The following ZFR2 variants were observed in gnomAD, a reference collection of about 807,000 sequenced individuals.
The protein encoded by ZFR2 is zinc finger RNA-binding protein 2.
In ZFR2, 104 loss-of-function variants were observed where a neutral mutation model predicts 105.7. That is an observed-to-expected ratio of 0.98 (90% CI 0.84 to 1.16). The LOEUF (loss-of-function observed/expected upper bound fraction) is 1.16, where lower values mean the gene tolerates loss of function less well. Ranked by LOEUF, ZFR2 falls within the 50% of genes most tolerant of loss-of-function variation. The probability of loss-of-function intolerance (pLI) is 0.00; values close to 1 mark genes in which losing one functional copy is unlikely to be tolerated. For synonymous variants in ZFR2, 634 were observed against 597.7 expected (o/e 1.06, Z -0.89); for missense variants, 1,425 against 1,355.5 (o/e 1.05, Z -0.80).
At chr19:3,832,029 T>G (rs2038022666) in intron 3 of ZFR2, among the ~76,000 whole-genome samples, 151 bp from the exon 4 acceptor site, 1 of 152,158 alleles carries the variant, frequency 6.6e-6, no homozygotes. Context: ...TGGCAGCGAC[T>G]CGCAGGTTAC....
rs1482216966 is a variant in ZFR2 at position 3,831,574 on chromosome 19, C to G, written c.599-18G>C. The G allele has an allele frequency of 6.4e-7, 1 of 1,553,738 alleles. No individual in the cohort carries two copies. The highest frequency in any genetic ancestry group is 1.4e-5 in the African/African-American group (1 of 73,500). ...GCTTGGTGCTGAGCAGCAGAGAAAA[C>G]AATGAGTCGGGGGGAGATGCTGATT... On this transcript the variant is annotated intron_variant, in intron 4 of 18. Coordinates refer to ENST00000262961, the MANE Select transcript of ZFR2 (RefSeq NM_015174.2).
At chr19:3,841,811 G>C (rs1423690669) in intron 1 of ZFR2, among the ~76,000 whole-genome samples, 1 of 151,724 alleles carries the variant, frequency 6.6e-6, no homozygotes, top group Non-Finnish European at 1.5e-5. Context: ...TATTGAGACA[G>C]AGTCTCACTC....
chr19:3,859,393 C>T (rs768665512), intron 1 of ZFR2, among the ~76,000 whole-genome samples: 34 of 152,324 alleles, frequency 2.2e-4, no homozygotes, highest in Non-Finnish European at 4.7e-4. Flanking sequence ...TGTGCCTCAG[C>T]TTGCAGACGG....
In ZFR2 at chr19:3,834,813, T is replaced by C; in HGVS notation, c.224A>G (p.Gln75Arg). The C allele has an allele frequency of 6.2e-7, 1 of 1,612,010 alleles. No homozygotes were observed. Among genetic ancestry groups the C allele is most frequent in the Non-Finnish European group, 8.5e-7 (1 of 1,179,582 alleles). Residue 75 changes from glutamine (Q) to arginine (R), a missense_variant, in exon 2 of 19, where the codon CAG (glutamine) becomes CGG (arginine). By Grantham distance (43) the Gln-to-Arg change is conservative. Transcript: ENST00000262961. This position sits in a 1 kb window ranked among gnomAD's most constrained non-coding sequence, Gnocchi z 5.3. ...GGTGGTGGCCGTGGGGACGGGCTCC[T>C]GGGGTCGGCTGCCGTAGGCGAAGTC... ...GQDFAYGSRPQEPVPTATTMA... is the reference protein window; with the variant it reads ...GQDFAYGSRPREPVPTATTMA...
rs1449801921 is a variant in ZFR2 at position 3,831,823 on chromosome 19, CTGAGCGTGGCTGTGACTGCCATGG to C, written c.411_434del (p.His138_Gln145del). ...CCACTATGGGCGCCTGCTGTGGGGG[CTGAGCGTGGCTGTGACTGCCATGG>C]GGGCTGGGCTGCCCGCAGGCTTCTT... is the stretch of plus-strand genomic sequence containing the variant. On this transcript the variant is annotated inframe_deletion, in exon 4 of 19. Coordinates refer to ENST00000262961, the MANE Select transcript of ZFR2 (RefSeq NM_015174.2). 1.2e-6 allele frequency: 2 copies of C among 1,606,582 alleles called. No individual in the cohort carries two copies. Among genetic ancestry groups the C allele is most frequent in the South Asian group, 2.2e-5 (2 of 90,752 alleles).
At chr19:3,861,291 G>A (rs534868873) in intron 1 of ZFR2, among the ~76,000 whole-genome samples, 2 of 152,316 alleles carry the variant, frequency 1.3e-5, no homozygotes, top group East Asian at 3.8e-4. Context: ...CCCCAAATAT[G>A]TACAAATTAA....
intron 1 of ZFR2, among the ~76,000 whole-genome samples, chr19:3,857,255 A>G (rs908270791): frequency 1.3e-5 from 2 of 151,722 alleles, no homozygotes; most frequent in African/African-American, 4.8e-5. Context: ...GCCCAGCGGA[A>G]TCTCCCACTT....
At chr19:3,850,329 T>G (rs986528422) in intron 1 of ZFR2, among the ~76,000 whole-genome samples, 1 of 151,946 alleles carries the variant, frequency 6.6e-6, no homozygotes, top group African/African-American at 2.4e-5. Context: ...ACAGAGGTTA[T>G]CAGGGTGAGG....
intron 17 of ZFR2, among the ~76,000 whole-genome samples, chr19:3,808,144 C>T (rs2037722274): frequency 1.4e-5 from 2 of 147,366 alleles, no homozygotes; most frequent in Admixed American, 6.8e-5. Context: ...TATGTGTGCC[C>T]GTGTGTGCAA....
At chr19:3,806,551 G>A (rs2037699225) in intron 18 of ZFR2, among the ~76,000 whole-genome samples, 1 of 152,158 alleles carries the variant, frequency 6.6e-6, no homozygotes, top group African/African-American at 2.4e-5. Flanking sequence ...TGAGCCACCC[G>A]GCCCGGCCGA....
intron 1 of ZFR2, among the ~76,000 whole-genome samples, chr19:3,836,035 T>C (rs1254226892): frequency 6.6e-6 from 1 of 152,056 alleles, no homozygotes; most frequent in African/African-American, 2.4e-5. Context: ...GATGCCAAAA[T>C]CCATGGATGC....
chr19:3,826,524 C>G (rs1368533582), intron 6 of ZFR2, among the ~76,000 whole-genome samples: 1 of 151,986 alleles, frequency 6.6e-6, no homozygotes, highest in Non-Finnish European at 1.5e-5. Context: ...CAACCTCCAC[C>G]TACCGGGTTC....
At chr19:3,852,563 G>A in intron 1 of ZFR2, 1 of 718,610 alleles carries the variant, frequency 1.4e-6, no homozygotes, top group Non-Finnish European at 2.6e-6. Flanking sequence ...TCCAAGGCAG[G>A]GCACAAGGAA....
intron 17 of ZFR2, among the ~76,000 whole-genome samples, chr19:3,807,604 CGT>C (rs1177915983): frequency 2.0e-5 from 3 of 151,626 alleles, no homozygotes; most frequent in Non-Finnish European, 2.9e-5. Flanking sequence ...CGTGTGTGCA[CGT>C]GTGTGCTCAT....
chr19:3,818,285 G>A (rs1453783078), intron 12 of ZFR2, among the ~76,000 whole-genome samples: 1 of 152,194 alleles, frequency 6.6e-6, no homozygotes, highest in African/African-American at 2.4e-5. Flanking sequence ...GGCTAACATA[G>A]CGAGACCTCT....
intron 1 of ZFR2, chr19:3,855,350 T>A (rs1381373034): frequency 1.7e-5 from 21 of 1,231,100 alleles, no homozygotes; most frequent in Non-Finnish European, 2.1e-5. Context: ...ATTTTAAAGA[T>A]GATATTGCTT....
chr19:3,810,956 G>A lies in ZFR2; in HGVS notation c.2338-111C>T, dbSNP rs542114660. On this transcript the variant is annotated intron_variant, in intron 15 of 18. Transcript: ENST00000262961. ...CAGGGAGGATAATAGGGAGCCTGGC[G>A]GGCCTCGAAGGTGGCGGGTGGAAAC... 5.5e-5 allele frequency: 67 copies of A among 1,213,696 alleles called. No homozygotes were observed. The East Asian group carries it at 1.4e-3, about 25-fold the overall frequency. 75.2% of individuals were successfully genotyped at this position (1,213,696 alleles called of 1,614,324 possible).
intron 1 of ZFR2, among the ~76,000 whole-genome samples, chr19:3,843,002 A>G (rs754985365): frequency 1.3e-4 from 20 of 152,222 alleles, no homozygotes; most frequent in African/African-American, 1.9e-4. Flanking sequence ...TTGTGGAAAC[A>G]GTCTGGCAGT....
chr19:3,848,974 A>G (rs1014348308), intron 1 of ZFR2, among the ~76,000 whole-genome samples: 1 of 152,166 alleles, frequency 6.6e-6, no homozygotes, highest in Non-Finnish European at 1.5e-5. Context: ...AGCCTGGACA[A>G]CAAAGCGAGA....
Sources: allele counts gnomAD v4.1 joint callset (sites outside exome capture counted in the v4.1 genomes callset), GRCh38; gene constraint gnomAD v4.1.1; non-coding constraint Gnocchi (gnomAD v3.1); transcripts MANE v1.5; gene names NCBI Gene and HGNC (gene_info 2026-07-23, HGNC 2026-07-21).